The following SSC5D variants were observed in gnomAD, a reference collection of about 807,000 sequenced individuals.
SSC5D encodes the protein soluble scavenger receptor cysteine-rich domain-containing protein SSC5D.
A neutral mutation model predicts 104.6 loss-of-function variants in SSC5D; 106 were observed. The observed-to-expected ratio is 1.01, with a 90% CI of 0.87 to 1.19. SSC5D has a LOEUF of 1.19. Among genes scored for constraint, SSC5D ranks in the 50% most tolerant of loss-of-function variants. The probability of loss-of-function intolerance (pLI) is 0.00; values close to 1 mark genes in which losing one functional copy is unlikely to be tolerated. For missense variants in SSC5D, 1,993 were observed against 2,153.8 expected (o/e 0.93, Z 1.48); for synonymous variants, 860 against 883.5 (o/e 0.97, Z 0.47).
intron 8 of SSC5D, among the ~76,000 whole-genome samples, chr19:55,496,750 CTTTTTTT>C (rs34304244): frequency 2.9e-5 from 4 of 139,804 alleles, no homozygotes; most frequent in Non-Finnish European, 6.2e-5. Flanking sequence ...TTTTACCAGT[CTTTTTTT>C]TTTTTTTTTT....
At chr19:55,493,038 TAAAA>T (rs1313081261) in intron 6 of SSC5D, among the ~76,000 whole-genome samples, 1 of 151,612 alleles carries the variant, frequency 6.6e-6, no homozygotes, top group Non-Finnish European at 1.5e-5. Flanking sequence ...CCCCCAAAAA[TAAAA>T]AAATGAAATG....
In SSC5D at chr19:55,498,109, G is replaced by T. The variant is rs1987374598; in HGVS notation, c.1617G>T (p.Gly539=). 6.4e-7 allele frequency: 1 copy of T among 1,551,594 alleles called. No individual in the cohort carries two copies. The highest frequency in any genetic ancestry group is 8.7e-7 in the Non-Finnish European group (1 of 1,146,990). The change falls in exon 9 of 14, where the codon GGG becomes GGT. Residue 539 remains glycine, a synonymous_variant. Transcript: ENST00000389623. The stretch of plus-strand genomic sequence containing the variant: ...GGCTAGATGATGTGGGCTGTGTGGG[G>T]ACCGAGGCTTCACTGTCCGACTGCC... ...PIWLDDVGCV[G]TEASLSDCPA...
chr19:55,504,681 A>G (rs1195629648), intron 12 of SSC5D, among the ~76,000 whole-genome samples: 2 of 152,098 alleles, frequency 1.3e-5, no homozygotes, highest in Non-Finnish European at 2.9e-5. Context: ...TTGTATTTTT[A>G]GTAGAGACGG....
chr19:55,489,834 G>T, intron 3 of SSC5D, 48 bp from the exon 4 acceptor site: 1 of 1,525,170 alleles, frequency 6.6e-7, no homozygotes, highest in Non-Finnish European at 8.9e-7. Flanking sequence ...AAATGGCCTG[G>T]ATTCCCCTCC....
rs112937543 is a variant in SSC5D, at chr19:55,507,683, A to G, written c.2786-5328A>G. On this transcript the variant is annotated intron_variant, in intron 12 of 13. Transcript: ENST00000389623. ...TCCGTCTCAAAAAAAAAAAAAAAAA[A>G]AAAAAGAAAAAAAGAGACATCTTAC... Among the ~76,000 whole-genome samples, 227 of 151,168 alleles carry G rather than the reference A, an allele frequency of 1.5e-3. 3 individuals carry two copies. Among genetic ancestry groups the G allele is most frequent in the East Asian group, 3.9e-4 (2 of 5,160 alleles).
intron 2 of SSC5D, 90 bp downstream of exon 2, chr19:55,489,122 C>A: frequency 1.0e-6 from 1 of 954,706 alleles, no homozygotes; most frequent in Non-Finnish European, 1.5e-6. Flanking sequence ...CCCACTGGGT[C>A]CCCGGCCCAT....
chr19:55,504,265 C>T, intron 12 of SSC5D: 1 of 1,513,070 alleles, frequency 6.6e-7, no homozygotes, highest in Non-Finnish European at 8.8e-7. Flanking sequence ...GGCCTCGGGA[C>T]CCCTCCCGTA....
chr19:55,499,789 T>C (rs544734853), intron 9 of SSC5D, 27 bp from the exon 10 acceptor site: 31 of 1,531,922 alleles, frequency 2.0e-5, no homozygotes, highest in Non-Finnish European at 2.7e-5. Flanking sequence ...GTCTCTGTCT[T>C]CTCTTCCTGC....
intron 9 of SSC5D, among the ~76,000 whole-genome samples, chr19:55,499,221 G>A (rs1378679315): frequency 6.6e-6 from 1 of 152,234 alleles, no homozygotes; most frequent in Non-Finnish European, 1.5e-5. Flanking sequence ...CAGGAGCCGG[G>A]GAAAAGGCGA....
intron 6 of SSC5D, chr19:55,492,617 A>G (rs1298616002): frequency 6.6e-6 from 1 of 152,088 alleles, no homozygotes. Flanking sequence ...ACTCCTCCCT[A>G]GTTCTGTGCT....
chr19:55,504,989 G>C (rs1011219584), intron 12 of SSC5D, among the ~76,000 whole-genome samples: 1 of 151,832 alleles, frequency 6.6e-6, no homozygotes, highest in African/African-American at 2.4e-5. Flanking sequence ...ATTATAACCT[G>C]TTTTAAGTGA....
Position 55,489,622 on chromosome 19 carries a change from C to T in SSC5D, c.321C>T (p.His107=). 7.2e-6 allele frequency: 11 copies of T among 1,533,332 alleles called. No individual in the cohort carries two copies. Among genetic ancestry groups the T allele is most frequent in the African/African-American group, 1.4e-5 (1 of 73,092 alleles). 95.0% of individuals were successfully genotyped at this position (1,533,332 alleles called of 1,614,324 possible). A position where few individuals can be genotyped will look rare whatever the true frequency, so the allele number is the denominator to read the frequency against. Residue 107 remains histidine (H), a synonymous_variant, in exon 3 of 14, where the codon CAC becomes CAT. Transcript: ENST00000389623. The part of the protein sequence containing the change: ...GLCHHRGWKA[H]ICSHEEDAGV... ...GCCACCACCGGGGCTGGAAGGCCCA[C>T]ATCTGCTCCCACGAGGAGGACGCGG...
chr19:55,511,063 G>C (rs1987746293), intron 12 of SSC5D, among the ~76,000 whole-genome samples: 1 of 152,202 alleles, frequency 6.6e-6, no homozygotes, highest in African/African-American at 2.4e-5. Flanking sequence ...ACAGGCGTGA[G>C]CCACCACACC....
Position 55,489,049 on chromosome 19 carries a change from C to A in SSC5D, c.52+17C>A, listed in dbSNP as rs1198328206. 3.5e-6 allele frequency: 5 copies of A among 1,421,512 alleles called. No individual in the cohort carries two copies. The highest frequency in any genetic ancestry group is 3.7e-6 in the Non-Finnish European group (4 of 1,085,316). 88.1% of individuals were successfully genotyped at this position (1,421,512 alleles called of 1,614,324 possible). A position where few individuals can be genotyped will look rare whatever the true frequency, so the allele number is the denominator to read the frequency against. On this transcript the variant is annotated intron_variant, in intron 2 of 13. Transcript: ENST00000389623. ...AGGCTGTTGGTAAGTGCCCAGACTC[C>A]TCCCATCTGCCCGCCCCCCCCCCCA... is the stretch of plus-strand genomic sequence containing the variant.
chr19:55,506,487 C>T (rs534042944), intron 12 of SSC5D, among the ~76,000 whole-genome samples: 5 of 146,418 alleles, frequency 3.4e-5, no homozygotes, highest in Non-Finnish European at 4.5e-5. Flanking sequence ...CTCTGCCTCC[C>T]GGGTTCACAC....
At position 55,500,800 on chromosome 19, in the gene SSC5D, C is replaced by A. The variant is rs1387162670; in HGVS notation, c.2613C>A (p.Cys871Ter). ...CDHEEDVGLT[C>*]TGYTDYDDYP... is the part of the protein sequence containing the mutation. The stretch of plus-strand genomic sequence containing the variant: ...ACGAGGAAGACGTGGGGCTCACCTG[C>A]ACTGGTACCAGGGCATGGCGGCGGT... Residue 871 changes from cysteine to a stop codon, truncating the protein, a stop_gained, in exon 11 of 14, where the codon TGC becomes TGA. Coordinates refer to ENST00000389623, the MANE Select transcript of SSC5D (RefSeq NM_001144950.2). LOFTEE classifies it high-confidence loss of function. The surrounding 1 kb of genome is among the most constrained non-coding windows in gnomAD (Gnocchi z 4.6). 2 of 1,547,214 alleles carry A rather than the reference C, an allele frequency of 1.3e-6. No individual in the cohort carries two copies. Among genetic ancestry groups the A allele is most frequent in the African/African-American group, 2.7e-5 (2 of 72,950 alleles).
In SSC5D at chr19:55,494,670, G is replaced by C; in HGVS notation, c.1274G>C (p.Arg425Thr). Residue 425 changes from arginine (R) to threonine (T), a missense_variant, in exon 8 of 14, where the codon AGG (arginine) becomes ACG (threonine). By Grantham distance (71) the Arg-to-Thr change is moderately conservative. Around this residue, in one of 6 missense-constraint regions of SSC5D, gnomAD observed 1,101 missense variants for 1,085.0 expected, o/e 1.01. Transcript: ENST00000389623. ...ACGGACAGCAACAACTCCACGCCCA[G>C]GGAGGCTGCCTCCAGGCCCCCGTCC... is the stretch of plus-strand genomic sequence containing the variant. ...APTDSNNSTP[R>T]EAASRPPSTM... is the part of the protein sequence containing the mutation. 1 of 1,548,226 alleles carries C rather than the reference G, an allele frequency of 6.5e-7. No homozygotes were observed. Among genetic ancestry groups the C allele is most frequent in the Non-Finnish European group, 8.7e-7 (1 of 1,145,694 alleles).
Position 55,502,809 on chromosome 19 carries a change from CCAT to C in SSC5D, c.2785+1609_2785+1611del, listed in dbSNP as rs1392629562. Among the ~76,000 whole-genome samples, 3 of 151,186 alleles carry C rather than the reference CCAT, an allele frequency of 2.0e-5. No homozygotes were observed. In the Admixed American group the frequency reaches 2.0e-4, roughly 10 times the overall value. The stretch of plus-strand genomic sequence containing the variant: ...TAGCTGGGATTACAGATGCACACCA[CCAT>C]GCCTGGCTAATTTTTTTTTTTGAGA... On this transcript the variant is annotated intron_variant, in intron 12 of 13. Transcript: ENST00000389623.
Position 55,518,589 on chromosome 19 carries a change from C to T in SSC5D, c.4313C>T (p.Pro1438Leu). 2 of 1,538,178 alleles carry T rather than the reference C, an allele frequency of 1.3e-6. No individual in the cohort carries two copies. Among genetic ancestry groups the T allele is most frequent in the East Asian group, 2.4e-5 (1 of 40,822 alleles). ...PHSASDLTVS[P>L]DPLLSPTAHP... The stretch of plus-strand genomic sequence containing the variant: ...TCAGCCTCTGACCTTACTGTGTCCC[C>T]TGACCCCCTCCTTTCCCCCACAGCC... Residue 1438 changes from proline (P) to leucine (L), a missense_variant, in exon 14 of 14, where the codon CCT (proline) becomes CTT (leucine). Coordinates refer to ENST00000389623, the MANE Select transcript of SSC5D (RefSeq NM_001144950.2).
Sources: gnomAD v4.1 joint callset for allele counts (sites outside exome capture counted in the v4.1 genomes callset) on GRCh38, gnomAD v4.1.1 for gene constraint, gnomAD v4.1.1 regional missense constraint, Gnocchi (gnomAD v3.1) non-coding constraint, MANE v1.5 for transcripts, NCBI Gene and HGNC (gene_info 2026-07-23, HGNC 2026-07-21) for gene names.